The following MGA variants were observed in gnomAD, a reference collection of about 807,000 sequenced individuals.
MGA encodes MAX gene-associated protein.
A neutral mutation model predicts 261.1 loss-of-function variants in MGA; 40 were observed. That is an observed-to-expected ratio of 0.15 (90% CI 0.12 to 0.20). MGA has a LOEUF of 0.20. MGA is among the 10% of genes least tolerant of loss of function. The pLI, the probability that MGA is intolerant of heterozygous loss-of-function variation, is 1.00. For synonymous variants in MGA, 1,302 were observed against 1,290.6 expected (o/e 1.01, Z -0.19); for missense variants, 3,397 against 3,630.5 (o/e 0.94, Z 1.65).
At chr15:41,765,090 G>A in intron 23 of MGA, 28 bp downstream of exon 23, 1 of 1,610,718 alleles carries the variant, frequency 6.2e-7, no homozygotes. Flanking sequence ...TCCTCTATGG[G>A]AAGTGATAAA....
chr15:41,765,392 ACT>A (rs1455533792), intron 23 of MGA, among the ~76,000 whole-genome samples: 1 of 152,204 alleles, frequency 6.6e-6, no homozygotes, highest in Non-Finnish European at 1.5e-5. Context: ...TTTTTGTGGT[ACT>A]CAGAGATGAT....
chr15:41,766,925 G>A lies in MGA; in HGVS notation c.8843G>A (p.Gly2948Glu), dbSNP rs541596407. 6.2e-7 allele frequency: 1 copy of A among 1,613,952 alleles called. No individual in the cohort carries two copies. Among genetic ancestry groups the A allele is most frequent in the Non-Finnish European group, 8.5e-7 (1 of 1,179,868 alleles). The change falls in exon 24 of 24, where the codon GGG becomes GAG. Residue 2948 changes from glycine to glutamate, a missense_variant. Gly to Glu is a moderately conservative substitution (Grantham distance 98). This residue lies in a region of MGA where 647 missense variants were observed against 642.4 expected (regional missense o/e 1.01). Transcript: ENST00000219905. ...TCCAACAAGAAAGCTATTGATGGAG[G>A]GAAGAATACTTCTGGCCTCCCTGCA... is the stretch of plus-strand genomic sequence containing the variant.
intron 1 of MGA, among the ~76,000 whole-genome samples, chr15:41,626,268 G>C (rs1199194076): frequency 1.4e-5 from 2 of 147,010 alleles, no homozygotes; most frequent in African/African-American, 5.0e-5. Flanking sequence ...AATTGGATTA[G>C]AAAAAACTAT....
intron 2 of MGA, among the ~76,000 whole-genome samples, chr15:41,690,595 T>C (rs2059225712): frequency 6.6e-6 from 1 of 152,100 alleles, no homozygotes; most frequent in African/African-American, 2.4e-5. Flanking sequence ...TGGATCATGC[T>C]TAAAATCTCA....
chr15:41,748,748 G>C lies in MGA; in HGVS notation c.5324G>C (p.Arg1775Thr), dbSNP rs375598398. The change falls in exon 16 of 24, where the codon AGA (arginine) becomes ACA (threonine). Residue 1775 changes from arginine (R) to threonine (T), a missense_variant. By Grantham distance (71) the Arg-to-Thr change is moderately conservative. This residue lies in a region of MGA where 1,410 missense variants were observed against 1,386.4 expected (regional missense o/e 1.02). Transcript: ENST00000219905. Reference sequence around the variant, plus strand: ...GTGCAGCAGGGTTCTCCTACTCTTAGACCTGTCTCAAACACACAACTTCAG... The same window carrying C: ...GTGCAGCAGGGTTCTCCTACTCTTACACCTGTCTCAAACACACAACTTCAG... 16 of 1,613,922 alleles carry C rather than the reference G, an allele frequency of 9.9e-6. No individual in the cohort carries two copies. The African/African-American group carries it at 2.1e-4, about 22-fold the overall frequency.
In MGA at chr15:41,766,801, G is replaced by A. The variant is rs755132381; in HGVS notation, c.8719G>A (p.Asp2907Asn). 79 of 1,613,874 alleles carry A rather than the reference G, an allele frequency of 4.9e-5. No individual in the cohort carries two copies. The highest frequency in any genetic ancestry group is 5.1e-5 in the Non-Finnish European group (60 of 1,179,896). Reference sequence around the variant, plus strand: ...TCCCCTCCTCTTGCACTTGGAAGACGATGACTTTTCTGAGAATGAAAAACA... The same window carrying A: ...TCCCCTCCTCTTGCACTTGGAAGACAATGACTTTTCTGAGAATGAAAAACA... Residue 2907 changes from aspartate to asparagine, a missense_variant, in exon 24 of 24, where the codon GAT (aspartate) becomes AAT (asparagine). Physicochemically the swap from Asp to Asn is conservative, Grantham distance 23. Transcript: ENST00000219905.
At chr15:41,725,096 C>G (rs1398297666) in intron 9 of MGA, among the ~76,000 whole-genome samples, 2 of 152,186 alleles carry the variant, frequency 1.3e-5, no homozygotes, top group Non-Finnish European at 2.9e-5. Context: ...TACATGTCCT[C>G]TGTGAGGACT....
chr15:41,676,249 C>G (rs1303723259), intron 2 of MGA, among the ~76,000 whole-genome samples: 3 of 152,012 alleles, frequency 2.0e-5, no homozygotes, highest in African/African-American at 7.3e-5. Flanking sequence ...GTGGTGCAAT[C>G]TTGGCTCACT....
intron 13 of MGA, 146 bp downstream of exon 13, chr15:41,736,844 T>G: frequency 1.0e-6 from 1 of 955,562 alleles, no homozygotes; most frequent in Non-Finnish European, 1.5e-6. Flanking sequence ...CTTTTTGTAA[T>G]AGGCCTAGTT....
chr15:41,639,674 A>AGCTGGGACT (rs2056783256), intron 1 of MGA, among the ~76,000 whole-genome samples: 1 of 152,004 alleles, frequency 6.6e-6, no homozygotes, highest in Non-Finnish European at 1.5e-5. Context: ...CCACTAGAGT[A>AGCTGGGACT]GCTGGGACTA....
chr15:41,637,926 G>T (rs181488851), intron 1 of MGA, among the ~76,000 whole-genome samples: 9 of 150,242 alleles, frequency 6.0e-5, no homozygotes, highest in Admixed American at 5.3e-4. Flanking sequence ...TGTATTTTTA[G>T]TAGAGACGGG....
At chr15:41,750,935 A>G (rs866255516) in intron 17 of MGA, 18 of 198,176 alleles carry the variant, frequency 9.1e-5, no homozygotes, top group South Asian at 3.7e-4. Context: ...GTCAATTTCT[A>G]TGACGTTTTC....
At chr15:41,730,517 G>A (rs1331067092) in intron 11 of MGA, among the ~76,000 whole-genome samples, 2 of 152,026 alleles carry the variant, frequency 1.3e-5, no homozygotes, top group African/African-American at 4.8e-5. Flanking sequence ...TTTCAAATAT[G>A]CACCCTGTAC....
At position 41,766,025 on chromosome 15, in the gene MGA, T is replaced by C; in HGVS notation, c.7943T>C (p.Met2648Thr). The change falls in exon 24 of 24, where the codon ATG becomes ACG. Residue 2648 changes from methionine (M) to threonine (T), a missense_variant. Coordinates refer to ENST00000219905, the MANE Select transcript of MGA (RefSeq NM_001164273.2). ...TCAGAAAATGACGACTTATTTATGA[T>C]GCCACGAATTGTTAATGTGACATCA... The C allele has an allele frequency of 6.2e-7, 1 of 1,601,696 alleles. No individual in the cohort carries two copies. The highest frequency in any genetic ancestry group is 8.5e-7 in the Non-Finnish European group (1 of 1,174,706).
intron 1 of MGA, among the ~76,000 whole-genome samples, chr15:41,630,093 A>C (rs939470321): frequency 6.6e-6 from 1 of 152,084 alleles, no homozygotes; most frequent in African/African-American, 2.4e-5. Flanking sequence ...AGTACTCTAC[A>C]TCATCTCGCT....
chr15:41,664,420 TG>T (rs1382013106), intron 1 of MGA, among the ~76,000 whole-genome samples: 1 of 152,250 alleles, frequency 6.6e-6, no homozygotes, highest in African/African-American at 2.4e-5. Flanking sequence ...TTTAAAGAAT[TG>T]GTTAAAACTT....
At chr15:41,628,785 T>C (rs2056520513) in intron 1 of MGA, among the ~76,000 whole-genome samples, 1 of 152,170 alleles carries the variant, frequency 6.6e-6, no homozygotes, top group Admixed American at 6.6e-5. Context: ...TTGGACAGTT[T>C]TGTGCAGAAA....
chr15:41,674,204 A>T (rs570352657), intron 2 of MGA, among the ~76,000 whole-genome samples: 2 of 150,854 alleles, frequency 1.3e-5, no homozygotes, highest in South Asian at 2.1e-4. Context: ...ATTATTTTTT[A>T]TTTTTATTTT....
At chr15:41,638,525 T>A (rs1041705014) in intron 1 of MGA, among the ~76,000 whole-genome samples, 4 of 151,328 alleles carry the variant, frequency 2.6e-5, no homozygotes, top group African/African-American at 7.3e-5. Flanking sequence ...ACCACCACAC[T>A]CAGTTAATTT....
Sources: gnomAD v4.1 joint callset for allele counts (sites outside exome capture counted in the v4.1 genomes callset) on GRCh38, gnomAD v4.1.1 for gene constraint, gnomAD v4.1.1 regional missense constraint, MANE v1.5 for transcripts, NCBI Gene and HGNC (gene_info 2026-07-23, HGNC 2026-07-21) for gene names.